The following PIGG variants were observed in gnomAD, a reference collection of about 807,000 sequenced individuals.
PIGG encodes the protein phosphatidylinositol glycan anchor biosynthesis class G (EMM blood group), also known as GPI ethanolamine phosphate transferase 2, catalytic subunit.
In PIGG, 70 loss-of-function variants were observed where a neutral mutation model predicts 83.2. The observed-to-expected ratio is 0.84, with a 90% CI of 0.69 to 1.03. The LOEUF (loss-of-function observed/expected upper bound fraction) is 1.03, where lower values mean the gene tolerates loss of function less well. Ranked by LOEUF, PIGG falls within the 50% of genes least tolerant of loss-of-function variation. The probability of loss-of-function intolerance (pLI) is 0.00; values close to 1 mark genes in which losing one functional copy is unlikely to be tolerated. For missense variants in PIGG, 1,257 were observed against 1,233.6 expected, an observed-to-expected ratio of 1.02 and a Z score of -0.28; for synonymous variants, 532 against 519.5, an observed-to-expected ratio of 1.02 and a Z score of -0.33.
chr4:521,586 G>T, intron 7 of PIGG, 74 bp from the exon 8 acceptor site: 1 of 1,400,054 alleles, frequency 7.1e-7, no homozygotes, highest in East Asian at 2.3e-5. Flanking sequence ...ACACGAGAGC[G>T]GGAGCTGGGC....
intron 6 of PIGG, among the ~76,000 whole-genome samples, chr4:519,279 G>A (rs1724990345): frequency 6.6e-6 from 1 of 152,240 alleles, no homozygotes; most frequent in South Asian, 2.1e-4. Context: ...GCACCTGCTT[G>A]CTCGCCATGC....
rs192082049 is a variant in PIGG at position 502,690 on chromosome 4, G to A, written c.360+2089G>A. ...TGTAAATGCAGCCCACTCGCTGTCT[G>A]CACGCTTTCTGGGATGAGGGGATGC... On this transcript the variant is annotated intron_variant, in intron 2 of 12. Transcript: ENST00000453061. 2.0e-5 allele frequency among the ~76,000 whole-genome samples: 3 copies of A among 152,210 alleles called. No individual in the cohort carries two copies. In the East Asian group the frequency reaches 5.8e-4, roughly 29 times the overall value.
In PIGG at chr4:527,173, G is replaced by T; in HGVS notation, c.2204G>T (p.Arg735Leu). The change falls in exon 10 of 13, where the codon CGG becomes CTG. Residue 735 changes from arginine to leucine, a missense_variant. Transcript: ENST00000453061. ...GGGCTGCTGGGCGTCTACTGCTACC[G>T]GGCGGCCATCGGGAGTGTCCGGTTC... Reference protein sequence around the residue: ...ALGLLGVYCYRAAIGSVRFPW... With the variant: ...ALGLLGVYCYLAAIGSVRFPW... The T allele has an allele frequency of 6.2e-7, 1 of 1,613,522 alleles. No individual in the cohort carries two copies. The highest frequency in any genetic ancestry group is 1.1e-5 in the South Asian group (1 of 90,996).
intron 11 of PIGG, 52 bp downstream of exon 11, chr4:530,797 T>G: frequency 8.0e-7 from 1 of 1,253,628 alleles, no homozygotes; most frequent in Non-Finnish European, 1.1e-6. Flanking sequence ...TACATATTTA[T>G]TTTAAATTTT....
chr4:499,317 C>G lies in PIGG; in HGVS notation c.-19C>G. 1.2e-6 allele frequency: 2 copies of G among 1,603,346 alleles called. No homozygotes were observed. The highest frequency in any genetic ancestry group is 1.7e-6 in the Non-Finnish European group (2 of 1,179,152). ...GCTCCAGGTGGGGTCGGTTCCGCAT[C>G]CAGCCTAGCGTGTCCACGATGCGGC... On this transcript the variant is annotated 5_prime_UTR_variant, in exon 1 of 13. In the 5' UTR this introduces an upstream ATG that the reference lacks. Coordinates refer to ENST00000453061, the MANE Select transcript of PIGG (RefSeq NM_001127178.3).
At chr4:516,918 G>T (rs1284709055) in intron 6 of PIGG, among the ~76,000 whole-genome samples, 2 of 151,944 alleles carry the variant, frequency 1.3e-5, no homozygotes, top group Admixed American at 6.6e-5. Flanking sequence ...TGAAGCGGGT[G>T]GGGGAGCCAC....
chr4:533,560 G>C (rs1481699187), intron 11 of PIGG: 1 of 517,760 alleles, frequency 1.9e-6, no homozygotes, highest in Non-Finnish European at 3.5e-6. Context: ...GGGGGCCCCA[G>C]CTTCTGCACG....
Position 500,411 on chromosome 4 carries a change from G to T in PIGG, c.170G>T (p.Trp57Leu), listed in dbSNP as rs1553874958. Residue 57 changes from tryptophan (W) to leucine (L), a missense_variant, in exon 2 of 13, where the codon TGG becomes TTG. Coordinates refer to ENST00000453061, the MANE Select transcript of PIGG (RefSeq NM_001127178.3). ...PEPSAGASSN[W>L]TTLPPPLFSK... is the part of the protein sequence containing the mutation. Reference sequence around the variant, plus strand: ...AAACACTTAGGAGCCAGTTCTAACTGGACCACGCTGCCACCACCTCTCTTC... The same window carrying T: ...AAACACTTAGGAGCCAGTTCTAACTTGACCACGCTGCCACCACCTCTCTTC... The T allele has an allele frequency of 6.2e-7, 1 of 1,613,444 alleles. No homozygotes were observed. Among genetic ancestry groups the T allele is most frequent in the Non-Finnish European group, 8.5e-7 (1 of 1,179,494 alleles).
intron 6 of PIGG, among the ~76,000 whole-genome samples, chr4:517,918 C>G (rs1724480000): frequency 6.6e-6 from 1 of 152,192 alleles, no homozygotes; most frequent in African/African-American, 2.4e-5. Flanking sequence ...AAGTCGACTC[C>G]TATTTGGGGG....
At chr4:516,350 A>G (rs918166088) in intron 6 of PIGG, among the ~76,000 whole-genome samples, 165 bp downstream of exon 6, 5 of 152,216 alleles carry the variant, frequency 3.3e-5, no homozygotes, top group African/African-American at 4.8e-5. Context: ...ACTTTGAACT[A>G]TCACCATTGG....
At position 530,552 on chromosome 4, in the gene PIGG, G is replaced by T; in HGVS notation, c.2378G>T (p.Gly793Val). The change falls in exon 11 of 13, where the codon GGT (glycine) becomes GTT (valine). Residue 793 changes from glycine to valine, a missense_variant. Gly to Val is a moderately radical substitution (Grantham distance 109, BLOSUM62 -3). Coordinates refer to ENST00000453061, the MANE Select transcript of PIGG (RefSeq NM_001127178.3). ...IAADFKLKTV[G>V]LWEIYSGLVL... ...GCAGACTTCAAACTCAAGACTGTAG[G>T]TTTATGGGAGATATATAGTGGATTA... 6.2e-7 allele frequency: 1 copy of T among 1,613,590 alleles called. No homozygotes were observed. Among genetic ancestry groups the T allele is most frequent in the East Asian group, 2.2e-5 (1 of 44,878 alleles).
intron 12 of PIGG, among the ~76,000 whole-genome samples, chr4:538,572 G>T (rs573916882): frequency 1.3e-5 from 2 of 152,188 alleles, no homozygotes; most frequent in Non-Finnish European, 2.9e-5. Flanking sequence ...AGTCTGGGGG[G>T]TGCGTTTTTC....
Position 526,038 on chromosome 4 carries a change from A to G in PIGG, c.2070-1001A>G, listed in dbSNP as rs550980731. Among the ~76,000 whole-genome samples the G allele has an allele frequency of 5.9e-5, 9 of 152,160 alleles. No homozygotes were observed. In the East Asian group the frequency reaches 1.6e-3, roughly 27 times the overall value. On this transcript the variant is annotated intron_variant, in intron 9 of 12. Coordinates refer to ENST00000453061, the MANE Select transcript of PIGG (RefSeq NM_001127178.3). ...TGGCTGGCTTTCCGCCCCACATGCA[A>G]GAGCCACCCCCAACCGCATTATCCG...
intron 1 of PIGG, chr4:500,149 C>T (rs1408929549): frequency 3.8e-6 from 2 of 522,230 alleles, no homozygotes; most frequent in African/African-American, 3.8e-5. Context: ...TCTCCTACCC[C>T]AGTACTCTTC....
At chr4:526,357 G>T (rs1237019729) in intron 9 of PIGG, among the ~76,000 whole-genome samples, 1 of 152,224 alleles carries the variant, frequency 6.6e-6, no homozygotes, top group Non-Finnish European at 1.5e-5. Flanking sequence ...ACAGAAGGGA[G>T]CCCGGCCTTC....
At position 505,855 on chromosome 4, in the gene PIGG, G is replaced by A. The variant is rs1418085145; in HGVS notation, c.498G>A (p.Trp166Ter). The A allele has an allele frequency of 1.2e-6, 2 of 1,613,086 alleles. No individual in the cohort carries two copies. Among genetic ancestry groups the A allele is most frequent in the Admixed American group, 1.7e-5 (1 of 59,852 alleles). Residue 166 changes from tryptophan to a stop codon, truncating the protein, a stop_gained, in exon 3 of 13, where the codon TGG becomes TGA. Coordinates refer to ENST00000453061, the MANE Select transcript of PIGG (RefSeq NM_001127178.3). LOFTEE classifies it high-confidence loss of function. ...TAGTCTTTTATGGAGATGAAACCTG[G>A]GTTAAATTATTCCCAAAGCATTTTG... ...KRIVFYGDET[W>*]VKLFPKHFVE...
At position 508,971 on chromosome 4, in the gene PIGG, G is replaced by A. The variant is rs782430164; in HGVS notation, c.901+1G>A. On this transcript the variant is annotated splice_donor_variant, in intron 5 of 12. Transcript: ENST00000453061. LOFTEE classifies it high-confidence loss of function. The stretch of plus-strand genomic sequence containing the variant: ...AGTTCTGCGTTTGAAAGGAAACCCG[G>A]TGAGAATTTAGGAATGTTAACAGTT... 3 of 1,609,196 alleles carry A rather than the reference G, an allele frequency of 1.9e-6. No individual in the cohort carries two copies. Among genetic ancestry groups the A allele is most frequent in the Admixed American group, 1.7e-5 (1 of 59,350 alleles).
chr4:528,578 G>T lies in PIGG; in HGVS notation c.2261+1348G>T. The T allele has an allele frequency of 2.0e-6, 2 of 985,398 alleles. No individual in the cohort carries two copies. Among genetic ancestry groups the T allele is most frequent in the Non-Finnish European group, 2.4e-6 (2 of 829,912 alleles). The allele number at this position is 985,398 out of a possible 1,614,324, so 61.0% of individuals were successfully genotyped here. ...GGCCTGGGGCAGAGAGGATGCTGAC[G>T]TGCAGGTACCAGCGGTGTTCTGTGG... On this transcript the variant is annotated intron_variant, in intron 10 of 12. Transcript: ENST00000453061. This position sits in a 1 kb window ranked among gnomAD's most constrained non-coding sequence, Gnocchi z 4.8.
At position 521,779 on chromosome 4, in the gene PIGG, G is replaced by A. The variant is rs758384891; in HGVS notation, c.1452G>A (p.Ser484=). 10 of 1,613,976 alleles carry A rather than the reference G, an allele frequency of 6.2e-6. 1 individual carries two copies. Among genetic ancestry groups the A allele is most frequent in the South Asian group, 3.3e-5 (3 of 91,066 alleles). ...TTTATTTGGTGATCCTGGTTCTTTC[G>A]GCCGTTCACGTCATTGTGTGCACCT... ...LLFYLVILVL[S]AVHVIVCTSA... The change falls in exon 8 of 13, where the codon TCG becomes TCA. Residue 484 remains serine, a synonymous_variant. Coordinates refer to ENST00000453061, the MANE Select transcript of PIGG (RefSeq NM_001127178.3).
Sources: gnomAD v4.1 joint callset for allele counts (sites outside exome capture counted in the v4.1 genomes callset) on GRCh38, gnomAD v4.1.1 for gene constraint, Gnocchi (gnomAD v3.1) non-coding constraint, MANE v1.5 for transcripts, NCBI Gene and HGNC (gene_info 2026-07-23, HGNC 2026-07-21) for gene names.